The following HHLA1 variants were observed in gnomAD, a reference collection of about 807,000 sequenced individuals.
The protein encoded by HHLA1 is HHLA1 neighbor of OC90, also known as HERV-H LTR-associating protein 1.
A neutral mutation model predicts 69.9 loss-of-function variants in HHLA1; 72 were observed. The observed-to-expected ratio is 1.03, with a 90% CI of 0.85 to 1.25. HHLA1 has a LOEUF of 1.25. HHLA1 is among the 50% of genes most tolerant of loss of function. The pLI is 0.00. For missense variants in HHLA1, 685 were observed against 642.2 expected (o/e 1.07, Z -0.72); for synonymous variants, 252 against 233.2 (o/e 1.08, Z -0.73).
rs147356246 is a variant in HHLA1, at chr8:132,091,750, G to C, written c.449-2151C>G. Among the ~76,000 whole-genome samples the C allele has an allele frequency of 9.8e-4, 149 of 152,298 alleles. 1 individual carries two copies. Among genetic ancestry groups the C allele is most frequent in the African/African-American group, 3.4e-3 (143 of 41,582 alleles). ...GACTGTCTCTTAACACTCAGTGTTGGCACATGTGAGTGGGAAAACATAGGC... is the reference window on the plus strand; with the variant it reads ...GACTGTCTCTTAACACTCAGTGTTGCCACATGTGAGTGGGAAAACATAGGC... On this transcript the variant is annotated intron_variant, in intron 7 of 16. Transcript: ENST00000414222.
Position 132,098,874 on chromosome 8 carries a change from A to G in HHLA1, c.280+8T>C. 6.5e-7 allele frequency: 1 copy of G among 1,534,210 alleles called. No individual in the cohort carries two copies. Among genetic ancestry groups the G allele is most frequent in the Admixed American group, 2.0e-5 (1 of 50,790 alleles). ...TGGACCTGGATTGTGCTTTTAAAATATGATTACCTTTTAACGCTCTACTGA... is the reference window on the plus strand; with the variant it reads ...TGGACCTGGATTGTGCTTTTAAAATGTGATTACCTTTTAACGCTCTACTGA... On this transcript the variant is annotated splice_region_variant and intron_variant, in intron 5 of 16. Coordinates refer to ENST00000414222, the MANE Select transcript of HHLA1 (RefSeq NM_001145095.3).
intron 7 of HHLA1, among the ~76,000 whole-genome samples, chr8:132,092,948 G>T (rs778900911): frequency 2.6e-5 from 4 of 152,152 alleles, no homozygotes; most frequent in Non-Finnish European, 5.9e-5. Context: ...CATTAGAGCA[G>T]CCCTGGCATG....
chr8:132,064,877 C>T (rs1222136608), intron 16 of HHLA1, among the ~76,000 whole-genome samples: 1 of 152,148 alleles, frequency 6.6e-6, no homozygotes, highest in Non-Finnish European at 1.5e-5. Context: ...TGGTATTCTT[C>T]AGGACCCAAA....
chr8:132,076,504 T>G lies in HHLA1; in HGVS notation c.1211A>C (p.Lys404Thr). ...THGTQTPSPTKATAPRYPQTG... is the reference protein window; with the variant it reads ...THGTQTPSPTTATAPRYPQTG... ...TTGTGGATATCTGGGGGCTGTTGCC[T>G]TGGTTGGACTCGGAGTCTGTGTGCC... The change falls in exon 13 of 17, where the codon AAG (lysine) becomes ACG (threonine). Residue 404 changes from lysine (K) to threonine (T), a missense_variant. Physicochemically the swap from Lys to Thr is moderately conservative, Grantham distance 78. Transcript: ENST00000414222. The G allele has an allele frequency of 1.4e-6, 2 of 1,442,806 alleles. No homozygotes were observed. Among genetic ancestry groups the G allele is most frequent in the Non-Finnish European group, 1.8e-6 (2 of 1,082,828 alleles). 89.4% of individuals were successfully genotyped at this position (1,442,806 alleles called of 1,614,324 possible). A position where few individuals can be genotyped will look rare whatever the true frequency, so the allele number is the denominator to read the frequency against.
intron 14 of HHLA1, 112 bp from the exon 15 acceptor site, chr8:132,071,605 T>C: frequency 2.1e-6 from 2 of 954,044 alleles, no homozygotes; most frequent in African/African-American, 1.6e-5. Flanking sequence ...CACGTAGCTC[T>C]GAGACAGACA....
At chr8:132,095,835 A>G (rs938105698) in intron 5 of HHLA1, 49 bp from the exon 6 acceptor site, 9 of 1,129,438 alleles carry the variant, frequency 8.0e-6, no homozygotes, top group Non-Finnish European at 1.0e-5. Context: ...TACTAACGTA[A>G]CAATAATACA....
At chr8:132,106,368 G>A (rs1229719368) in intron 1 of HHLA1, among the ~76,000 whole-genome samples, 1 of 152,180 alleles carries the variant, frequency 6.6e-6, no homozygotes, top group African/African-American at 2.4e-5. Flanking sequence ...CATTTAAATA[G>A]CTTTTTGATT....
intron 11 of HHLA1, among the ~76,000 whole-genome samples, chr8:132,079,119 C>G (rs186360200): frequency 6.6e-6 from 1 of 152,168 alleles, no homozygotes; most frequent in Non-Finnish European, 1.5e-5. Context: ...GATAAGCATG[C>G]CTTTTGTGTC....
chr8:132,094,937 A>G (rs774945380), intron 7 of HHLA1, among the ~76,000 whole-genome samples: 16 of 152,226 alleles, frequency 1.1e-4, no homozygotes, highest in Non-Finnish European at 2.1e-4. Context: ...GGAACACATA[A>G]TACTTTAAAG....
chr8:132,090,225 G>A (rs1032029927), intron 7 of HHLA1, among the ~76,000 whole-genome samples: 5 of 152,178 alleles, frequency 3.3e-5, no homozygotes, highest in Non-Finnish European at 7.3e-5. Flanking sequence ...TTTCTCAGCT[G>A]GGTTTGAACA....
At chr8:132,095,652 G>A in intron 6 of HHLA1, 50 bp from the exon 7 acceptor site, 1 of 1,527,326 alleles carries the variant, frequency 6.5e-7, no homozygotes, top group Non-Finnish European at 8.9e-7. Flanking sequence ...GACCAGCCCT[G>A]CAACACATCC....
At position 132,076,491 on chromosome 8, in the gene HHLA1, G is replaced by C; in HGVS notation, c.1224C>G (p.Pro408=). 1 of 1,522,346 alleles carries C rather than the reference G, an allele frequency of 6.6e-7. No homozygotes were observed. Among genetic ancestry groups the C allele is most frequent in the Non-Finnish European group, 8.8e-7 (1 of 1,134,696 alleles). 94.3% of individuals were successfully genotyped at this position (1,522,346 alleles called of 1,614,324 possible). Residue 408 remains proline (P), a synonymous_variant, in exon 13 of 17, where the codon CCC becomes CCG. Coordinates refer to ENST00000414222, the MANE Select transcript of HHLA1 (RefSeq NM_001145095.3). ...QTPSPTKATA[P]RYPQTGDLSA... is the part of the protein sequence containing the mutation. ...GTTTCTCACCTGTTTGTGGATATCT[G>C]GGGGCTGTTGCCTTGGTTGGACTCG...
chr8:132,081,663 T>C (rs998584256), intron 10 of HHLA1, among the ~76,000 whole-genome samples: 1 of 152,134 alleles, frequency 6.6e-6, no homozygotes, highest in African/African-American at 2.4e-5. Context: ...TAGGAAAGGC[T>C]TCTACCTATC....
In HHLA1 at chr8:132,087,836, G is replaced by C; in HGVS notation, c.589+9C>G. 2 of 1,550,720 alleles carry C rather than the reference G, an allele frequency of 1.3e-6. No individual in the cohort carries two copies. The highest frequency in any genetic ancestry group is 2.4e-5 in the South Asian group (2 of 84,040). On this transcript the variant is annotated intron_variant, in intron 9 of 16. Coordinates refer to ENST00000414222, the MANE Select transcript of HHLA1 (RefSeq NM_001145095.3). ...CAGAGAGCTTGTCAAAGAATGTCTAGTGGTTTACCTGACTTTCCTGTCATC... is the reference window on the plus strand; with the variant it reads ...CAGAGAGCTTGTCAAAGAATGTCTACTGGTTTACCTGACTTTCCTGTCATC...
chr8:132,077,412 G>A (rs192557738), intron 12 of HHLA1, among the ~76,000 whole-genome samples: 18 of 152,194 alleles, frequency 1.2e-4, no homozygotes, highest in Admixed American at 3.9e-4. Flanking sequence ...TTTCAGGCCC[G>A]GGTCCATCCA....
chr8:132,105,124 G>A (rs1038360709), intron 2 of HHLA1, 63 bp downstream of exon 2: 2 of 1,264,230 alleles, frequency 1.6e-6, no homozygotes. Context: ...GTTCTCTAAA[G>A]CACAGTGAAT....
intron 1 of HHLA1, among the ~76,000 whole-genome samples, chr8:132,106,765 TGAGA>T (rs1023202057): frequency 3.3e-5 from 5 of 152,114 alleles, no homozygotes; most frequent in African/African-American, 1.2e-4. Context: ...AATTCTCCAC[TGAGA>T]GAGAGATGGA....
At chr8:132,071,300 TA>T in intron 15 of HHLA1, 39 bp downstream of exon 15, 2 of 1,530,260 alleles carry the variant, frequency 1.3e-6, no homozygotes. Flanking sequence ...AAGAAAGCTA[TA>T]AATATTCCAT....
intron 10 of HHLA1, among the ~76,000 whole-genome samples, chr8:132,082,083 G>T (rs1049923937): frequency 5.3e-5 from 8 of 152,202 alleles, no homozygotes; most frequent in Non-Finnish European, 1.0e-4. Context: ...TGGGGGCCAG[G>T]TGTGGTATCA....
Sources: gnomAD v4.1 joint callset for allele counts (sites outside exome capture counted in the v4.1 genomes callset) on GRCh38, gnomAD v4.1.1 for gene constraint, MANE v1.5 for transcripts, NCBI Gene and HGNC (gene_info 2026-07-23, HGNC 2026-07-21) for gene names.